TMCC2: variants seen among roughly 807,000 people sequenced by gnomAD.
TMCC2 encodes transmembrane and coiled-coil domain family 2.
In TMCC2, 16 loss-of-function variants were observed where a neutral mutation model predicts 49.4. That is an observed-to-expected ratio of 0.32 (90% CI 0.22 to 0.49). TMCC2 has a LOEUF of 0.49. Among genes scored for constraint, TMCC2 ranks in the 20% least tolerant of loss-of-function variants. TMCC2 has a pLI of 0.99. For synonymous variants in TMCC2, 397 were observed against 434.1 expected (o/e 0.91, Z 1.06); for missense variants, 762 against 989.8 (o/e 0.77, Z 3.09).
chr1:205,228,820 C>T lies in TMCC2; in HGVS notation c.207+49C>T, dbSNP rs768175483. 1.2e-5 allele frequency: 19 copies of T among 1,535,636 alleles called. No homozygotes were observed. The Admixed American group carries it at 3.8e-4, about 31-fold the overall frequency. ...CAAGCCCAGCCCGCGACTTAGCTCT[C>T]GCCACCCCACGCAGAAGTGCTTTAA... On this transcript the variant is annotated intron_variant, in intron 1 of 4. Transcript: ENST00000358024.
chr1:205,252,923 C>T lies in TMCC2; in HGVS notation c.747+10879C>T, dbSNP rs554929418. 5.3e-5 allele frequency among the ~76,000 whole-genome samples: 8 copies of T among 151,142 alleles called. 1 individual carries two copies. The highest frequency in any genetic ancestry group is 1.5e-4 in the African/African-American group (6 of 41,090). ...ATCACTGGAGGCCAGAAGTTCGAGG[C>T]CAGCCTGGGCAACATAGTGAGACCT... On this transcript the variant is annotated intron_variant, in intron 2 of 4. Transcript: ENST00000358024.
intron 4 of TMCC2, 48 bp downstream of exon 4, chr1:205,271,303 GGCA>G (rs1173000204): frequency 1.2e-6 from 2 of 1,613,526 alleles, no homozygotes; most frequent in African/African-American, 2.7e-5. Context: ...TGGTAGAGCT[GGCA>G]GCAGCCAGAG....
chr1:205,271,866 ACAG>A lies in TMCC2; in HGVS notation c.1879_1881del (p.Gln627del). The A allele has an allele frequency of 6.2e-7, 1 of 1,613,932 alleles. No homozygotes were observed. Among genetic ancestry groups the A allele is most frequent in the East Asian group, 2.2e-5 (1 of 44,876 alleles). ...TCACCAAGCTGGAGCTGCAGCAGCA[ACAG>A]CAGCAGGTGGTACAGCTGGAGGGCG... On this transcript the variant is annotated inframe_deletion, in exon 5 of 5. Transcript: ENST00000358024.
At chr1:205,253,060 C>G (rs577434876) in intron 2 of TMCC2, among the ~76,000 whole-genome samples, 1 of 151,948 alleles carries the variant, frequency 6.6e-6, no homozygotes, top group African/African-American at 2.4e-5. Flanking sequence ...TTGAGCCCCC[C>G]AGAGTTTGAG....
chr1:205,230,063 A>G, intron 1 of TMCC2: 1 of 985,474 alleles, frequency 1.0e-6, no homozygotes, highest in Non-Finnish European at 1.2e-6. Flanking sequence ...GTTGCATTTA[A>G]TAAAGCCTAT....
chr1:205,250,026 C>T (rs970644406), intron 2 of TMCC2, among the ~76,000 whole-genome samples: 12 of 152,318 alleles, frequency 7.9e-5, no homozygotes, highest in Admixed American at 3.9e-4. Context: ...GATTTGAATT[C>T]CTCATGTTCA....
intron 1 of TMCC2, among the ~76,000 whole-genome samples, chr1:205,237,124 A>G (rs1327544886): frequency 6.6e-6 from 1 of 152,194 alleles, no homozygotes; most frequent in East Asian, 1.9e-4. Flanking sequence ...TAGAAACTCC[A>G]AGTGGGCCTG....
At chr1:205,239,016 C>T (rs1033143467) in intron 1 of TMCC2, among the ~76,000 whole-genome samples, 5 of 152,270 alleles carry the variant, frequency 3.3e-5, no homozygotes, top group Admixed American at 6.5e-5. Context: ...CGGTGGCCAC[C>T]GTAGCTCTCC....
At chr1:205,267,918 T>C in intron 2 of TMCC2, 1 of 984,260 alleles carries the variant, frequency 1.0e-6, no homozygotes, top group Non-Finnish European at 1.2e-6. Context: ...GAGTTACTTC[T>C]GGGGCTTTAG....
At chr1:205,229,501 A>T in intron 1 of TMCC2, 1 of 420,530 alleles carries the variant, frequency 2.4e-6, no homozygotes, top group Non-Finnish European at 3.0e-6. Context: ...GGGATCTTTG[A>T]GCGCTTTCCT....
Position 205,272,162 on chromosome 1 carries a change from A to C in TMCC2, c.*38A>C. The C allele has an allele frequency of 6.3e-7, 1 of 1,595,042 alleles. No individual in the cohort carries two copies. The highest frequency in any genetic ancestry group is 8.6e-7 in the Non-Finnish European group (1 of 1,166,470). ...ACCAACCCTGTGCTCTCTGGCCCCC[A>C]GCTGGCCACACTTCTCCAGGAGGGA... On this transcript the variant is annotated 3_prime_UTR_variant, in exon 5 of 5. Coordinates refer to ENST00000358024, the MANE Select transcript of TMCC2 (RefSeq NM_014858.4).
rs555266272 is a variant in TMCC2 at position 205,230,097 on chromosome 1, G to A, written c.207+1326G>A. On this transcript the variant is annotated intron_variant, in intron 1 of 4. Coordinates refer to ENST00000358024, the MANE Select transcript of TMCC2 (RefSeq NM_014858.4). The stretch of plus-strand genomic sequence containing the variant: ...ATATCCTATGGCAGCAGCCACTAAG[G>A]AGCTCACCAGAATAAGCCAATGCCA... 31 of 985,516 alleles carry A rather than the reference G, an allele frequency of 3.1e-5. 1 individual carries two copies. The South Asian group carries it at 8.0e-4, about 25-fold the overall frequency. The allele number at this position is 985,516 out of a possible 1,614,324, so 61.0% of individuals were successfully genotyped here. A position where few individuals can be genotyped will look rare whatever the true frequency, so the allele number is the denominator to read the frequency against.
intron 3 of TMCC2, among the ~76,000 whole-genome samples, chr1:205,270,919 G>A (rs1320323750): frequency 6.6e-6 from 1 of 152,216 alleles, no homozygotes; most frequent in Non-Finnish European, 1.5e-5. Context: ...TAGGTAAAAT[G>A]CTTAGCACAG....
chr1:205,251,038 A>G (rs1192336375), intron 2 of TMCC2, among the ~76,000 whole-genome samples: 1 of 152,146 alleles, frequency 6.6e-6, no homozygotes, highest in Non-Finnish European at 1.5e-5. Flanking sequence ...GAGGCAATGG[A>G]TATACAGCAT....
intron 1 of TMCC2, among the ~76,000 whole-genome samples, chr1:205,240,368 G>A (rs1321050455): frequency 1.3e-5 from 2 of 152,274 alleles, no homozygotes; most frequent in Non-Finnish European, 2.9e-5. Context: ...CTGTGGCCTG[G>A]GCGGCACCGG....
chr1:205,230,276 CA>C (rs1282131107), intron 1 of TMCC2: 7 of 699,298 alleles, frequency 1.0e-5, no homozygotes, highest in Non-Finnish European at 1.2e-5. Flanking sequence ...TTAAACTTTG[CA>C]GTAATTATTC....
intron 1 of TMCC2, among the ~76,000 whole-genome samples, chr1:205,236,219 T>C (rs896320): frequency 0.48 from 72,698 of 152,076 alleles, 20,074 homozygotes; most frequent in Non-Finnish European, 0.61. Context: ...CTAAGCCATT[T>C]GTGAAGACAT....
At chr1:205,247,419 A>G (rs1417312234) in intron 2 of TMCC2, among the ~76,000 whole-genome samples, 2 of 152,120 alleles carry the variant, frequency 1.3e-5, no homozygotes, top group Non-Finnish European at 2.9e-5. Flanking sequence ...GGATGATTTT[A>G]TCTCTTGGTT....
intron 2 of TMCC2, among the ~76,000 whole-genome samples, chr1:205,250,720 G>A (rs921415410): frequency 2.0e-5 from 3 of 152,156 alleles, no homozygotes; most frequent in Non-Finnish European, 4.4e-5. Context: ...CTTGGTGGGA[G>A]ACAAGCTGTC....
Sources: allele counts gnomAD v4.1 joint callset (sites outside exome capture counted in the v4.1 genomes callset), GRCh38; gene constraint gnomAD v4.1.1; transcripts MANE v1.5; gene names NCBI Gene and HGNC (gene_info 2026-07-23, HGNC 2026-07-21).